Variants in MEI4 observed in about 807,000 individuals in gnomAD.
MEI4 encodes meiotic double-stranded break formation protein 4, also known as meiosis-specific protein MEI4.
A neutral mutation model predicts 31.4 loss-of-function variants in MEI4; 27 were observed. That is an observed-to-expected ratio of 0.86 (90% CI 0.63 to 1.19). MEI4 has a LOEUF of 1.19. Among genes scored for constraint, MEI4 ranks in the 50% most tolerant of loss-of-function variants. The pLI is 0.00. For synonymous variants in MEI4, 122 were observed against 145.4 expected, an observed-to-expected ratio of 0.84 and a Z score of 1.16; for missense variants, 329 against 398.9, an observed-to-expected ratio of 0.82 and a Z score of 1.49.
At chr6:77,734,671 C>T (rs960847331) in intron 2 of MEI4, among the ~76,000 whole-genome samples, 3 of 151,588 alleles carry the variant, frequency 2.0e-5, no homozygotes, top group Non-Finnish European at 4.4e-5. Context: ...TGAATTTGAT[C>T]CTGTCATTAT....
chr6:77,782,634 A>T (rs1768623978), intron 3 of MEI4, among the ~76,000 whole-genome samples: 2 of 152,134 alleles, frequency 1.3e-5, no homozygotes, highest in South Asian at 4.1e-4. Context: ...GGGAAAGAGG[A>T]TGCAACTTAG....
At position 77,746,519 on chromosome 6, in the gene MEI4, T is replaced by G. The variant is rs746309326; in HGVS notation, c.233-14611T>G. On this transcript the variant is annotated intron_variant, in intron 2 of 4. Coordinates refer to ENST00000684080, the MANE Select transcript of MEI4 (RefSeq NM_001322247.2). The stretch of plus-strand genomic sequence containing the variant: ...GCTCTTGGGTCTTAAGTCTGCCAGT[T>G]TTTGGACTACAACTTACAGTATCCT... Among the ~76,000 whole-genome samples the G allele has an allele frequency of 3.7e-4, 57 of 152,170 alleles. 1 individual carries two copies. The highest frequency in any genetic ancestry group is 6.3e-4 in the Non-Finnish European group (43 of 67,992).
At chr6:77,816,422 CTGGGATTTAG>C (rs1263192013) in intron 3 of MEI4, among the ~76,000 whole-genome samples, 1 of 152,072 alleles carries the variant, frequency 6.6e-6, no homozygotes, top group Admixed American at 6.6e-5. Context: ...AGTAGGAGGA[CTGGGATTTAG>C]TCATGTTGAA....
At chr6:77,704,797 A>G (rs770718227) in intron 2 of MEI4, among the ~76,000 whole-genome samples, 3 of 152,166 alleles carry the variant, frequency 2.0e-5, no homozygotes, top group African/African-American at 7.2e-5. Context: ...AGTGTTTTGA[A>G]TGATTCAAAC....
intron 3 of MEI4, among the ~76,000 whole-genome samples, chr6:77,818,319 C>T (rs1181247721): frequency 6.6e-6 from 1 of 151,962 alleles, no homozygotes; most frequent in Non-Finnish European, 1.5e-5. Context: ...TTTTGCATAT[C>T]TTTTTATAAG....
intron 2 of MEI4, among the ~76,000 whole-genome samples, chr6:77,696,476 G>A (rs542368085): frequency 1.1e-4 from 16 of 151,942 alleles, no homozygotes; most frequent in Non-Finnish European, 2.1e-4. Flanking sequence ...TAGCATGAAG[G>A]GTTGTTGAAT....
chr6:77,878,143 G>A (rs905764547), intron 4 of MEI4, among the ~76,000 whole-genome samples: 40 of 152,208 alleles, frequency 2.6e-4, no homozygotes, highest in Middle Eastern at 3.4e-3. Flanking sequence ...TTGTGTTACT[G>A]TGGAAAAGCT....
At chr6:77,698,899 G>T (rs1459933803) in intron 2 of MEI4, among the ~76,000 whole-genome samples, 1 of 152,106 alleles carries the variant, frequency 6.6e-6, no homozygotes, top group Non-Finnish European at 1.5e-5. Flanking sequence ...TCACTTTCAG[G>T]TACACCAATC....
chr6:77,663,942 C>A (rs913961587), intron 1 of MEI4, among the ~76,000 whole-genome samples: 1 of 152,170 alleles, frequency 6.6e-6, no homozygotes, highest in South Asian at 2.1e-4. Flanking sequence ...GGGTCCCACA[C>A]AGATGGGACG....
chr6:77,775,136 T>C (rs1383524992), intron 3 of MEI4, among the ~76,000 whole-genome samples: 1 of 136,340 alleles, frequency 7.3e-6, no homozygotes, highest in Non-Finnish European at 1.5e-5. Flanking sequence ...AATTCAGGAT[T>C]ACCTCTTCAT....
rs1162907715 is a variant in MEI4, at chr6:77,697,603, C to G, written c.232+6700C>G. Among the ~76,000 whole-genome samples, 8 of 152,134 alleles carry G rather than the reference C, an allele frequency of 5.3e-5. No homozygotes were observed. In the East Asian group the frequency reaches 1.2e-3, roughly 22 times the overall value. On this transcript the variant is annotated intron_variant, in intron 2 of 4. Coordinates refer to ENST00000684080, the MANE Select transcript of MEI4 (RefSeq NM_001322247.2). ...TGAGTGAGTTTCTTAATCCTGAGTT[C>G]TAGTTTGATTGCACTGTGGTCTGAA...
chr6:77,900,841 T>G (rs1766172139), intron 4 of MEI4, among the ~76,000 whole-genome samples: 1 of 151,970 alleles, frequency 6.6e-6, no homozygotes, highest in Admixed American at 6.6e-5. Context: ...CTAACAGAAA[T>G]TTTGTGTCCG....
intron 4 of MEI4, among the ~76,000 whole-genome samples, chr6:77,846,218 T>C (rs2127716586): frequency 6.6e-6 from 1 of 152,236 alleles, no homozygotes; most frequent in African/African-American, 2.4e-5. Flanking sequence ...GTTCACGCCA[T>C]TCTCCTGCCT....
At chr6:77,874,371 T>C (rs1400830149) in intron 4 of MEI4, among the ~76,000 whole-genome samples, 1 of 152,196 alleles carries the variant, frequency 6.6e-6, no homozygotes, top group Non-Finnish European at 1.5e-5. Context: ...GAAGCAATTG[T>C]GAATGGGAAT....
intron 4 of MEI4, among the ~76,000 whole-genome samples, chr6:77,868,077 G>A (rs1032056765): frequency 3.4e-5 from 5 of 147,780 alleles, no homozygotes; most frequent in African/African-American, 9.9e-5. Flanking sequence ...GTGGGGTGAG[G>A]GGTGGGAGGA....
intron 1 of MEI4, among the ~76,000 whole-genome samples, chr6:77,679,379 A>G (rs1768908573): frequency 6.6e-6 from 1 of 151,158 alleles, no homozygotes; most frequent in African/African-American, 2.4e-5. Flanking sequence ...GTTTAGATAT[A>G]TTTAGATACA....
intron 4 of MEI4, among the ~76,000 whole-genome samples, chr6:77,884,639 C>A (rs188176392): frequency 8.5e-4 from 129 of 152,186 alleles, no homozygotes; most frequent in African/African-American, 3.0e-3. Context: ...GTTTCTGATA[C>A]CTTTGTTGAA....
chr6:77,803,668 G>C (rs747849849), intron 3 of MEI4, among the ~76,000 whole-genome samples: 1 of 152,182 alleles, frequency 6.6e-6, no homozygotes, highest in Non-Finnish European at 1.5e-5. Flanking sequence ...TGTCCTTTCT[G>C]TTTGTTAGTT....
At chr6:77,883,237 C>A (rs922018094) in intron 4 of MEI4, among the ~76,000 whole-genome samples, 1 of 151,970 alleles carries the variant, frequency 6.6e-6, no homozygotes, top group Non-Finnish European at 1.5e-5. Context: ...TGCATATGAT[C>A]TGTAATGATC....
Sources: allele counts gnomAD v4.1 joint callset (sites outside exome capture counted in the v4.1 genomes callset), GRCh38; gene constraint gnomAD v4.1.1; transcripts MANE v1.5; gene names NCBI Gene and HGNC (gene_info 2026-07-23, HGNC 2026-07-21).